Variants in PWWP2A observed in about 807,000 individuals in gnomAD.
PWWP2A encodes PWWP domain containing 2A.
Under a neutral mutation model 48.5 loss-of-function variants are expected in PWWP2A, and 18 were observed. The observed-to-expected ratio is 0.37, with a 90% CI of 0.26 to 0.55. The LOEUF is 0.55. PWWP2A is among the 20% of genes least tolerant of loss of function. The pLI, the probability that PWWP2A is intolerant of heterozygous loss-of-function variation, is 0.81. For synonymous variants in PWWP2A, 396 were observed against 387.7 expected (o/e 1.02, Z -0.25); for missense variants, 867 against 976.4 (o/e 0.89, Z 1.49).
intron 2 of PWWP2A, among the ~76,000 whole-genome samples, chr5:160,085,164 G>T (rs1033773398): frequency 2.0e-5 from 3 of 151,858 alleles, no homozygotes; most frequent in South Asian, 4.1e-4. Context: ...GAGTAGCTGG[G>T]ACTACAGGCA....
chr5:160,115,130 ACT>A (rs1382847829), intron 1 of PWWP2A, among the ~76,000 whole-genome samples: 1 of 118,290 alleles, frequency 8.5e-6, no homozygotes, highest in Non-Finnish European at 1.6e-5. Flanking sequence ...ACAGAGGGAG[ACT>A]CTGTCAAAAA....
At chr5:160,111,211 A>G (rs1757532295) in intron 1 of PWWP2A, among the ~76,000 whole-genome samples, 1 of 152,086 alleles carries the variant, frequency 6.6e-6, no homozygotes, top group Non-Finnish European at 1.5e-5. Flanking sequence ...CTTGTTGCCC[A>G]GGATGGAGTG....
intron 4 of PWWP2A, chr5:160,066,413 C>T (rs1215892712): frequency 6.8e-6 from 1 of 146,638 alleles, no homozygotes; most frequent in Non-Finnish European, 1.5e-5. Context: ...TCTCCTGCCT[C>T]AGCCTCCAGA....
At position 160,095,047 on chromosome 5, in the gene PWWP2A, C is replaced by CAAAAAAAAAAAAAAA; in HGVS notation, c.585-997_585-983dup. The stretch of plus-strand genomic sequence containing the variant: ...TGGGCAACAGAGCAAGACTCTGTCT[C>CAAAAAAAAAAAAAAA]AAAAAAAAAAAAAAAAAAAAAAAAA... On this transcript the variant is annotated intron_variant, in intron 1 of 1. Transcript: ENST00000307063. Among the ~76,000 whole-genome samples the CAAAAAAAAAAAAAAA allele has an allele frequency of 7.1e-4, 22 of 30,882 alleles. 4 individuals carry two copies. Among genetic ancestry groups the CAAAAAAAAAAAAAAA allele is most frequent in the Middle Eastern group, 0.091 (2 of 22 alleles). The allele number at this position is 30,882 out of a possible 152,430, so 20.3% of individuals were successfully genotyped here. A position where few individuals can be genotyped will look rare whatever the true frequency, so the allele number is the denominator to read the frequency against.
chr5:160,048,966 C>G, the PWWP2A span, among the ~76,000 whole-genome samples: 1 of 151,414 alleles, frequency 6.6e-6, no homozygotes, highest in Admixed American at 6.6e-5. Context: ...AAAAAATTCT[C>G]TCTCACTCTT....
chr5:160,051,084 T>TTG, the PWWP2A span: 1 of 375,562 alleles, frequency 2.7e-6, no homozygotes, highest in African/African-American at 1.5e-4. Context: ...AGGTTTTGGT[T>TTG]TTTTTTTTTT....
intron 1 of PWWP2A, among the ~76,000 whole-genome samples, chr5:160,098,569 C>A (rs1456413522): frequency 6.6e-6 from 1 of 152,150 alleles, no homozygotes; most frequent in Admixed American, 6.5e-5. Flanking sequence ...AAAATAAAAT[C>A]AGAGTTAAGA....
the PWWP2A span, chr5:160,049,456 C>A: frequency 6.9e-7 from 1 of 1,439,862 alleles, no homozygotes; most frequent in Non-Finnish European, 9.3e-7. Context: ...TCTGATATAG[C>A]CAAAGATATG....
At chr5:160,105,560 A>C in intron 1 of PWWP2A, 4 of 412,928 alleles carry the variant, frequency 9.7e-6, no homozygotes, top group Non-Finnish European at 1.3e-5. Flanking sequence ...TCTCAAAAAA[A>C]AAAAAAAGAA....
At chr5:160,049,816 G>A in the PWWP2A span, among the ~76,000 whole-genome samples, 10 of 152,130 alleles carry the variant, frequency 6.6e-5, no homozygotes, top group Non-Finnish European at 1.2e-4. Context: ...AGTGGCTCTT[G>A]CCTGTAATCC....
chr5:160,092,783 A>G lies in PWWP2A; in HGVS notation c.1867T>C (p.Ser623Pro). The change falls in exon 2 of 2, where the codon TCA (serine) becomes CCA (proline). Residue 623 changes from serine to proline, a missense_variant. By Grantham distance (74) the Ser-to-Pro change is moderately conservative (BLOSUM62 -1). Around this residue, in one of 4 missense-constraint regions of PWWP2A, gnomAD observed 382 missense variants for 407.2 expected, o/e 0.94. Coordinates refer to ENST00000307063, the MANE Select transcript of PWWP2A (RefSeq NM_001130864.2). ...APSTSSTSSSSKEEKKLSNSL... is the reference protein window; with the variant it reads ...APSTSSTSSSPKEEKKLSNSL... ...TTACTGAGCTTTTTCTCTTCCTTTG[A>G]AGAGGAGGAAGTGGAGGAGGTGGAA... 6.4e-7 allele frequency: 1 copy of G among 1,551,570 alleles called. No homozygotes were observed. The highest frequency in any genetic ancestry group is 8.7e-7 in the Non-Finnish European group (1 of 1,146,970).
chr5:160,058,205 A>C (rs1470555960), downstream of PWWP2A, among the ~76,000 whole-genome samples: 1 of 152,222 alleles, frequency 6.6e-6, no homozygotes, highest in African/African-American at 2.4e-5. Context: ...TTGTATCATG[A>C]AATTGTAGCA....
chr5:160,103,815 TA>T (rs1756557510), intron 1 of PWWP2A, among the ~76,000 whole-genome samples: 1 of 152,068 alleles, frequency 6.6e-6, no homozygotes, highest in South Asian at 2.1e-4. Context: ...AGACGGAGAA[TA>T]ACCAGTCTCT....
In PWWP2A at chr5:160,092,868, G is replaced by C. The variant is rs2113530222; in HGVS notation, c.1782C>G (p.Ser594=). The C allele has an allele frequency of 1.3e-6, 2 of 1,551,676 alleles. No individual in the cohort carries two copies. The highest frequency in any genetic ancestry group is 2.4e-5 in the South Asian group (2 of 84,062). ...TTTCAGAAGAACTACACTCAGAGTT[G>C]GAAGATTTCAAATCATCTGTGCTAT... ...SIDSTDDLKS[S]NSECSSSESF... Residue 594 remains serine (S), a synonymous_variant, in exon 2 of 2, where the codon TCC becomes TCG. Coordinates refer to ENST00000307063, the MANE Select transcript of PWWP2A (RefSeq NM_001130864.2).
chr5:160,106,727 A>G (rs1461384595), intron 1 of PWWP2A, among the ~76,000 whole-genome samples: 1 of 152,062 alleles, frequency 6.6e-6, no homozygotes, highest in Non-Finnish European at 1.5e-5. Flanking sequence ...CCAGCTCTAC[A>G]ATAAGGATTT....
Position 160,093,026 on chromosome 5 carries a change from CATTT to C in PWWP2A, c.1620_1623del (p.Asn541LysfsTer27). 6.3e-7 allele frequency: 1 copy of C among 1,599,722 alleles called. No individual in the cohort carries two copies. Among genetic ancestry groups the C allele is most frequent in the Non-Finnish European group, 8.5e-7 (1 of 1,172,940 alleles). On this transcript the variant is annotated frameshift_variant, in exon 2 of 2. Transcript: ENST00000307063. LOFTEE classifies it high-confidence loss of function. This position sits in a 1 kb window ranked among gnomAD's most constrained non-coding sequence, Gnocchi z 5.8. The stretch of plus-strand genomic sequence containing the variant: ...TCCTGATCACCAGGCACATGCACTT[CATTT>C]GTGTCCTGAACCTCACTGCTGGCCT...
At chr5:160,069,620 T>G (rs1316053591) in intron 2 of PWWP2A, among the ~76,000 whole-genome samples, 1 of 152,128 alleles carries the variant, frequency 6.6e-6, no homozygotes, top group East Asian at 1.9e-4. Flanking sequence ...TCCCAACACT[T>G]TGGGAGGCCA....
chr5:160,051,000 ATC>A, the PWWP2A span: 1 of 650,594 alleles, frequency 1.5e-6, no homozygotes. Context: ...ATTTAATAGG[ATC>A]ATAGACATAC....
chr5:160,054,044 G>A, the PWWP2A span, among the ~76,000 whole-genome samples: 2 of 152,278 alleles, frequency 1.3e-5, no homozygotes, highest in Non-Finnish European at 2.9e-5. Context: ...CTTGAGGAAA[G>A]TGGTCAGCAG....
Sources: gnomAD v4.1 joint callset for allele counts (sites outside exome capture counted in the v4.1 genomes callset) on GRCh38, gnomAD v4.1.1 for gene constraint, gnomAD v4.1.1 regional missense constraint, Gnocchi (gnomAD v3.1) non-coding constraint, MANE v1.5 for transcripts, NCBI Gene and HGNC (gene_info 2026-07-23, HGNC 2026-07-21) for gene names.